Variants in KRT84 observed in about 807,000 individuals in gnomAD.
KRT84 encodes keratin 84, also known as keratin, type II cuticular Hb4.
Under a neutral mutation model 49.0 loss-of-function variants are expected in KRT84, and 38 were observed. That is an observed-to-expected ratio of 0.78 (90% CI 0.60 to 1.02). KRT84 has a LOEUF of 1.02. Ranked by LOEUF, KRT84 falls within the 50% of genes least tolerant of loss-of-function variation. The pLI is 0.00. For missense variants in KRT84, 860 were observed against 788.6 expected (o/e 1.09, Z -1.08); for synonymous variants, 334 against 312.8 (o/e 1.07, Z -0.72).
chr12:52,385,234 C>A lies in KRT84; in HGVS notation c.352G>T (p.Gly118Cys). 2 of 1,613,954 alleles carry A rather than the reference C, an allele frequency of 1.2e-6. No individual in the cohort carries two copies. Among genetic ancestry groups the A allele is most frequent in the Admixed American group, 1.7e-5 (1 of 60,020 alleles). Reference sequence around the variant, plus strand: ...ACTCTGTAACCAAAGCCAGGGCCACCAAAGCCATAGCCAATGCCACTGCCA... The same window carrying A: ...ACTCTGTAACCAAAGCCAGGGCCACAAAAGCCATAGCCAATGCCACTGCCA... ...GAGSGIGYGF[G>C]GPGFGYRVGG... The change falls in exon 1 of 9, where the codon GGT (glycine) becomes TGT (cysteine). Residue 118 changes from glycine (G) to cysteine (C), a missense_variant. Physicochemically the swap from Gly to Cys is radical, Grantham distance 159. Transcript: ENST00000257951.
chr12:52,385,300 C>G lies in KRT84; in HGVS notation c.286G>C (p.Gly96Arg). ...CCAACACAGCTGTCAGCCCTAGGCC[C>G]CAGACCAACACCTCTCCCATCACCA... The part of the protein sequence containing the change: ...GFGDGRGVGL[G>R]PRADSCVGLG... Residue 96 changes from glycine (G) to arginine (R), a missense_variant, in exon 1 of 9, where the codon GGG (glycine) becomes CGG (arginine). By Grantham distance (125) the Gly-to-Arg change is moderately radical. Coordinates refer to ENST00000257951, the MANE Select transcript of KRT84 (RefSeq NM_033045.4). 6.2e-7 allele frequency: 1 copy of G among 1,614,134 alleles called. No homozygotes were observed. Among genetic ancestry groups the G allele is most frequent in the Non-Finnish European group, 8.5e-7 (1 of 1,180,040 alleles).
Position 52,385,405 on chromosome 12 carries a change from A to G in KRT84, c.181T>C (p.Tyr61His), listed in dbSNP as rs142306003. Residue 61 changes from tyrosine to histidine, a missense_variant, in exon 1 of 9, where the codon TAC (tyrosine) becomes CAC (histidine). By Grantham distance (83) the Tyr-to-His change is moderately conservative (BLOSUM62 2). Transcript: ENST00000257951. The part of the protein sequence containing the change: ...GSRSVITFGS[Y>H]SPRIAAVGSR... ...CCTACAGCTGCTATCCGGGGTGAGT[A>G]CGATCCAAAGGTGATGACACTCCGA... 47 of 1,614,070 alleles carry G rather than the reference A, an allele frequency of 2.9e-5. No homozygotes were observed. The highest frequency in any genetic ancestry group is 3.9e-5 in the Non-Finnish European group (46 of 1,180,032).
intron 3 of KRT84, 69 bp from the exon 4 acceptor site, chr12:52,382,601 A>G (rs1295534832): frequency 7.0e-6 from 9 of 1,292,590 alleles, no homozygotes; most frequent in Non-Finnish European, 1.0e-5. Context: ...CTGTGTCTGG[A>G]GATGGGTGCA....
chr12:52,380,673 T>G, intron 6 of KRT84, 90 bp from the exon 7 acceptor site: 7 of 1,334,486 alleles, frequency 5.2e-6, no homozygotes, highest in Non-Finnish European at 7.1e-6. Context: ...AGTGGGAACA[T>G]AGCCTGGGGC....
rs752343324 is a variant in KRT84 at position 52,377,925 on chromosome 12, G to A, written c.*109C>T. ...AGTGCTAAGGGGTGGCTTCCTGGCAGAAAGGGGAGCTGGAGACCGTCAAGC... is the reference window on the plus strand; with the variant it reads ...AGTGCTAAGGGGTGGCTTCCTGGCAAAAAGGGGAGCTGGAGACCGTCAAGC... On this transcript the variant is annotated 3_prime_UTR_variant, in exon 9 of 9. Coordinates refer to ENST00000257951, the MANE Select transcript of KRT84 (RefSeq NM_033045.4). 3.1e-4 allele frequency: 250 copies of A among 806,784 alleles called. 2 individuals are homozygous for A. The Middle Eastern group carries it at 8.6e-3, about 28-fold the overall frequency. The allele number at this position is 806,784 out of a possible 1,614,324, so 50.0% of individuals were successfully genotyped here. A position where few individuals can be genotyped will look rare whatever the true frequency, so the allele number is the denominator to read the frequency against.
chr12:52,380,429 T>C lies in KRT84; in HGVS notation c.1358A>G (p.Asn453Ser). The part of the protein sequence containing the change: ...RQLCEYQELM[N>S]AKLGLDIEIA... ...CTCGATGTCCAGGCCCAGCTTGGCA[T>C]TCATCAGCTCCTGGTACTCGCACAG... is the stretch of plus-strand genomic sequence containing the variant. Residue 453 changes from asparagine (N) to serine (S), a missense_variant, in exon 7 of 9, where the codon AAT becomes AGT. Physicochemically the swap from Asn to Ser is conservative, Grantham distance 46 (BLOSUM62 1). Transcript: ENST00000257951. The C allele has an allele frequency of 6.2e-7, 1 of 1,614,202 alleles. No individual in the cohort carries two copies. Among genetic ancestry groups the C allele is most frequent in the East Asian group, 2.2e-5 (1 of 44,886 alleles).
In KRT84 at chr12:52,383,708, G is replaced by C; in HGVS notation, c.637C>G (p.Leu213Val). ...AGGTTGGTGATGTAGCTCTCGAAGA[G>C]TGGCTCCAGATTGCTCCTGATACAT... ...QKCIRSNLEP[L>V]FESYITNLRR... The change falls in exon 2 of 9, where the codon CTC becomes GTC. Residue 213 changes from leucine to valine, a missense_variant. Physicochemically the swap from Leu to Val is conservative, Grantham distance 32. Coordinates refer to ENST00000257951, the MANE Select transcript of KRT84 (RefSeq NM_033045.4). 2 of 1,614,146 alleles carry C rather than the reference G, an allele frequency of 1.2e-6. No individual in the cohort carries two copies. Among genetic ancestry groups the C allele is most frequent in the Non-Finnish European group, 1.7e-6 (2 of 1,179,978 alleles).
chr12:52,385,321 C>G lies in KRT84; in HGVS notation c.265G>C (p.Asp89His). The G allele has an allele frequency of 6.2e-7, 1 of 1,614,184 alleles. No homozygotes were observed. The change falls in exon 1 of 9, where the codon GAT (aspartate) becomes CAT (histidine). Residue 89 changes from aspartate to histidine, a missense_variant. Physicochemically the swap from Asp to His is moderately conservative, Grantham distance 81. Transcript: ENST00000257951. ...GGCCCCAGACCAACACCTCTCCCAT[C>G]ACCAAAACCCATCCCACAGCCAGCA... ...FGAGCGMGFG[D>H]GRGVGLGPRA...
chr12:52,385,560 C>A lies in KRT84; in HGVS notation c.26G>T (p.Ser9Ile). Residue 9 changes from serine (S) to isoleucine (I), a missense_variant, in exon 1 of 9, where the codon AGC becomes ATC. Coordinates refer to ENST00000257951, the MANE Select transcript of KRT84 (RefSeq NM_033045.4). ...GAAGTTGCCCACCCGGTGACCAGAG[C>A]TGACTCGGTAGGAGCGGCAAGACAT... is the stretch of plus-strand genomic sequence containing the variant. MSCRSYRV[S>I]SGHRVGNFSS... The A allele has an allele frequency of 6.2e-7, 1 of 1,613,838 alleles. No individual in the cohort carries two copies. The highest frequency in any genetic ancestry group is 8.5e-7 in the Non-Finnish European group (1 of 1,179,882).
chr12:52,385,665 AC>A, upstream of KRT84: 1 of 1,318,660 alleles, frequency 7.6e-7, no homozygotes, highest in Non-Finnish European at 1.1e-6. Flanking sequence ...GGCCAGTGGA[AC>A]CCTTGCACCC....
At position 52,378,254 on chromosome 12, in the gene KRT84, G is replaced by A; in HGVS notation, c.1583C>T (p.Ala528Val). The A allele has an allele frequency of 6.4e-7, 1 of 1,559,432 alleles. No individual in the cohort carries two copies. Among genetic ancestry groups the A allele is most frequent in the Non-Finnish European group, 8.7e-7 (1 of 1,153,334 alleles). The change falls in exon 9 of 9, where the codon GCT becomes GTT. Residue 528 changes from alanine (A) to valine (V), a missense_variant. Transcript: ENST00000257951. ...TCCACCCAGGCTGGGGCCACAGGAA[G>A]CCAGGACCCCACTGGTGGCACAGAC... ...SSVCATSGVL[A>V]SCGPSLGGAR... is the part of the protein sequence containing the mutation.
chr12:52,383,571 C>T lies in KRT84; in HGVS notation c.755+19G>A, dbSNP rs771892660. ...AGGCCTGGCCTGTCACTGGTCTGTG[C>T]AGCTCAGATGTCACTCACTTCTTCT... On this transcript the variant is annotated intron_variant, in intron 2 of 8. Transcript: ENST00000257951. 1.9e-6 allele frequency: 3 copies of T among 1,605,338 alleles called. No homozygotes were observed. Among genetic ancestry groups the T allele is most frequent in the Non-Finnish European group, 2.6e-6 (3 of 1,174,544 alleles).
At chr12:52,381,917 A>T (rs1939491365) in intron 4 of KRT84, among the ~76,000 whole-genome samples, 1 of 152,314 alleles carries the variant, frequency 6.6e-6, no homozygotes, top group African/African-American at 2.4e-5. Context: ...TGGTCTAGGA[A>T]TTCCTATATC....
intron 1 of KRT84, among the ~76,000 whole-genome samples, chr12:52,384,562 C>A (rs1422669950): frequency 1.3e-5 from 2 of 152,156 alleles, no homozygotes; most frequent in Non-Finnish European, 2.9e-5. Flanking sequence ...TTTAATTACT[C>A]AACTCCATTC....
At chr12:52,382,947 C>T (rs1939509582) in intron 3 of KRT84, 58 bp downstream of exon 3, 2 of 1,488,538 alleles carry the variant, frequency 1.3e-6, no homozygotes, top group Admixed American at 1.7e-5. Context: ...CCTGGGGAGT[C>T]TTGAGAACAT....
In KRT84 at chr12:52,377,922, G is replaced by T; in HGVS notation, c.*112C>A. The T allele has an allele frequency of 1.3e-6, 1 of 768,776 alleles. No homozygotes were observed. The highest frequency in any genetic ancestry group is 1.9e-6 in the Non-Finnish European group (1 of 530,498). 47.6% of individuals were successfully genotyped at this position (768,776 alleles called of 1,614,324 possible). A position where few individuals can be genotyped will look rare whatever the true frequency, so the allele number is the denominator to read the frequency against. ...GGGAGTGCTAAGGGGTGGCTTCCTG[G>T]CAGAAAGGGGAGCTGGAGACCGTCA... On this transcript the variant is annotated 3_prime_UTR_variant, in exon 9 of 9. Coordinates refer to ENST00000257951, the MANE Select transcript of KRT84 (RefSeq NM_033045.4).
intron 4 of KRT84, 88 bp from the exon 5 acceptor site, chr12:52,381,613 A>G: frequency 1.6e-6 from 2 of 1,267,220 alleles, no homozygotes; most frequent in Admixed American, 1.9e-5. Flanking sequence ...AAGTGGTGCC[A>G]GGGGCAGAGA....
chr12:52,380,288 T>C (rs1939457749), intron 7 of KRT84, 75 bp downstream of exon 7: 4 of 1,542,002 alleles, frequency 2.6e-6, no homozygotes, highest in Middle Eastern at 2.3e-4. Flanking sequence ...AGTTCTTCAC[T>C]GTCCCCTTCT....
chr12:52,382,582 C>G, intron 3 of KRT84, 50 bp from the exon 4 acceptor site: 1 of 1,430,798 alleles, frequency 7.0e-7, no homozygotes, highest in Non-Finnish European at 9.8e-7. Context: ...CACTGTTTCA[C>G]CTTCCCACCT....
Sources: gnomAD v4.1 joint callset for allele counts (sites outside exome capture counted in the v4.1 genomes callset) on GRCh38, gnomAD v4.1.1 for gene constraint, MANE v1.5 for transcripts, NCBI Gene and HGNC (gene_info 2026-07-23, HGNC 2026-07-21) for gene names.